Variants in ZNF143 observed in about 807,000 individuals in gnomAD.
ZNF143 encodes zinc finger protein 143, also known as SPH-binding factor.
A neutral mutation model predicts 74.1 loss-of-function variants in ZNF143; 49 were observed. That is an observed-to-expected ratio of 0.66 (90% CI 0.53 to 0.84). ZNF143 has a LOEUF of 0.84. Among genes scored for constraint, ZNF143 ranks in the 40% least tolerant of loss-of-function variants. The pLI, the probability that ZNF143 is intolerant of heterozygous loss-of-function variation, is 0.00. For missense variants in ZNF143, 637 were observed against 793.4 expected (o/e 0.80, Z 2.37); for synonymous variants, 304 against 282.8 (o/e 1.07, Z -0.75).
chr11:9,477,109 G>A (rs1387045296), intron 5 of ZNF143, among the ~76,000 whole-genome samples: 2 of 131,720 alleles, frequency 1.5e-5, no homozygotes, highest in African/African-American at 2.8e-5. Flanking sequence ...AGTAAAGTCT[G>A]CACCCCTTCC....
intron 14 of ZNF143, among the ~76,000 whole-genome samples, chr11:9,519,931 A>T (rs185528091): frequency 4.0e-4 from 61 of 152,002 alleles, no homozygotes; most frequent in African/African-American, 1.4e-3. Context: ...CACACCTGTA[A>T]TCCCAGCACT....
chr11:9,477,713 A>G (rs1462574963), intron 5 of ZNF143, among the ~76,000 whole-genome samples: 1 of 152,054 alleles, frequency 6.6e-6, no homozygotes, highest in Non-Finnish European at 1.5e-5. Context: ...TTTAGAGGGG[A>G]AAAAACCACC....
intron 5 of ZNF143, among the ~76,000 whole-genome samples, chr11:9,477,931 G>A (rs1458590837): frequency 2.0e-5 from 3 of 151,864 alleles, no homozygotes; most frequent in African/African-American, 4.8e-5. Flanking sequence ...GTTCAAGTGA[G>A]TCTCCTGCCT....
At chr11:9,468,250 TC>T in intron 1 of ZNF143, among the ~76,000 whole-genome samples, 1 of 152,310 alleles carries the variant, frequency 6.6e-6, no homozygotes. Context: ...CTTTTTCACA[TC>T]AATAGTTCAG....
At chr11:9,512,893 C>A (rs567212864) in intron 13 of ZNF143, among the ~76,000 whole-genome samples, 9 of 152,092 alleles carry the variant, frequency 5.9e-5, no homozygotes, top group African/African-American at 2.2e-4. Context: ...AAACACAGAT[C>A]AGAAAAGGGA....
At chr11:9,492,729 G>A (rs1238241977) in intron 7 of ZNF143, among the ~76,000 whole-genome samples, 1 of 152,136 alleles carries the variant, frequency 6.6e-6, no homozygotes, top group East Asian at 1.9e-4. Context: ...TAAATCTTGT[G>A]ACATTTTCAG....
intron 3 of ZNF143, 55 bp from the exon 4 acceptor site, chr11:9,473,886 T>C (rs1856730753): frequency 1.2e-6 from 2 of 1,612,782 alleles, no homozygotes; most frequent in Non-Finnish European, 1.7e-6. Context: ...TGAAATTGTA[T>C]AAAGTTTAAA....
chr11:9,489,241 T>C (rs1343819997), intron 7 of ZNF143, among the ~76,000 whole-genome samples: 1 of 152,192 alleles, frequency 6.6e-6, no homozygotes, highest in Non-Finnish European at 1.5e-5. Context: ...AATAATTCTG[T>C]TGGACACTGC....
chr11:9,486,387 A>ATAATT (rs1491455973), intron 7 of ZNF143, among the ~76,000 whole-genome samples: 10 of 18,002 alleles, frequency 5.6e-4, no homozygotes, highest in Non-Finnish European at 8.3e-4. Flanking sequence ...TTATATATAT[A>ATAATT]ATATATATAA....
chr11:9,502,241 CTTTTTTTTTTT>C (rs1183629630), intron 11 of ZNF143, among the ~76,000 whole-genome samples: 3 of 56,968 alleles, frequency 5.3e-5, no homozygotes, highest in African/African-American at 7.1e-5. Flanking sequence ...TGGCCATATT[CTTTTTTTTTTT>C]TTTTTTTTTT....
At chr11:9,474,365 A>G (rs558035296) in intron 4 of ZNF143, among the ~76,000 whole-genome samples, 185 bp from the exon 5 acceptor site, 12 of 152,314 alleles carry the variant, frequency 7.9e-5, no homozygotes, top group African/African-American at 1.7e-4. Context: ...CCAATATTCT[A>G]ATGTCTTTTT....
Position 9,478,385 on chromosome 11 carries a change from C to T in ZNF143, c.374-5C>T. On this transcript the variant is annotated splice_region_variant and splice_polypyrimidine_tract_variant and intron_variant, in intron 5 of 15. Coordinates refer to ENST00000396602, the MANE Select transcript of ZNF143 (RefSeq NM_003442.6). ...ATTTAATGGCATTCTCTTCCACTCT[C>T]TCAGATAGTTATGACCAGAGTGCAT... is the stretch of plus-strand genomic sequence containing the variant. 1.2e-6 allele frequency: 2 copies of T among 1,607,454 alleles called. No homozygotes were observed. The highest frequency in any genetic ancestry group is 1.7e-6 in the Non-Finnish European group (2 of 1,174,316).
rs758085096 is a variant in ZNF143 at position 9,495,825 on chromosome 11, A to G, written c.766-478A>G. Among the ~76,000 whole-genome samples the G allele has an allele frequency of 2.6e-5, 4 of 152,180 alleles. No homozygotes were observed. The South Asian group carries it at 6.2e-4, about 24-fold the overall frequency. On this transcript the variant is annotated intron_variant, in intron 8 of 15. Transcript: ENST00000396602. Reference sequence around the variant, plus strand: ...TCATTGTTACTCATTTGTCATGGCAACCCTCTATGGTAGATACTATTGTGT... The same window carrying G: ...TCATTGTTACTCATTTGTCATGGCAGCCCTCTATGGTAGATACTATTGTGT...
chr11:9,493,310 C>T (rs573701729), intron 7 of ZNF143, among the ~76,000 whole-genome samples: 6 of 152,088 alleles, frequency 3.9e-5, no homozygotes, highest in African/African-American at 1.4e-4. Flanking sequence ...GACCTTGTGA[C>T]CCGCCCGCCT....
At chr11:9,486,411 T>A (rs1475254135) in intron 7 of ZNF143, among the ~76,000 whole-genome samples, 3 of 24,042 alleles carry the variant, frequency 1.2e-4, no homozygotes, top group East Asian at 1.4e-3. Context: ...ATTATATATA[T>A]AATATATATT....
chr11:9,504,487 A>AT (rs1848282480), intron 11 of ZNF143, among the ~76,000 whole-genome samples: 1 of 125,688 alleles, frequency 8.0e-6, no homozygotes. Context: ...TGCAGTATAG[A>AT]AGCTTTTAAT....
chr11:9,490,645 A>C (rs1847738174), intron 7 of ZNF143, among the ~76,000 whole-genome samples: 1 of 151,088 alleles, frequency 6.6e-6, no homozygotes, highest in African/African-American at 2.5e-5. Flanking sequence ...TGTTGCTGTT[A>C]TAATACATGA....
In ZNF143 at chr11:9,501,185, A is replaced by G; in HGVS notation, c.1062A>G (p.Glu354=). Residue 354 remains glutamate, a synonymous_variant, in exon 11 of 16, where the codon GAA becomes GAG. Coordinates refer to ENST00000396602, the MANE Select transcript of ZNF143 (RefSeq NM_003442.6). The part of the protein sequence containing the change: ...RKVHVRTHTG[E]RPYYCTEPGC... ...TGCACGTTAGGACACACACAGGAGA[A>G]AGACCTTATTACTGCACAGAGCCAG... 6.2e-7 allele frequency: 1 copy of G among 1,614,188 alleles called. No homozygotes were observed.
At chr11:9,508,936 C>T in intron 12 of ZNF143, 90 bp downstream of exon 12, 1 of 1,314,034 alleles carries the variant, frequency 7.6e-7, no homozygotes, top group Non-Finnish European at 1.1e-6. Context: ...TTCTGAAATC[C>T]TAATGTGTCA....
Sources: allele counts gnomAD v4.1 joint callset (sites outside exome capture counted in the v4.1 genomes callset), GRCh38; gene constraint gnomAD v4.1.1; transcripts MANE v1.5; gene names NCBI Gene and HGNC (gene_info 2026-07-23, HGNC 2026-07-21).